PCMT1: variants seen among roughly 807,000 people sequenced by gnomAD.
PCMT1 encodes the protein protein-L-isoaspartate (D-aspartate) O-methyltransferase.
Under a neutral mutation model 29.2 loss-of-function variants are expected in PCMT1, and 9 were observed. That is an observed-to-expected ratio of 0.31 (90% confidence interval 0.19 to 0.54). PCMT1 has a LOEUF of 0.54. Ranked by LOEUF, PCMT1 falls within the 20% of genes least tolerant of loss-of-function variation. The pLI is 0.95. For missense variants in PCMT1, 184 were observed against 282.2 expected, an observed-to-expected ratio of 0.65 and a Z score of 2.49; for synonymous variants, 98 against 97.5, an observed-to-expected ratio of 1.00 and a Z score of -0.03.
In PCMT1 at chr6:149,802,384, A is replaced by G. The variant is rs752074342; in HGVS notation, c.*5A>G. ...CAGTGGTCCAGGTGGAAGTGATTTT[A>G]TCTTCTGCTCTTTCTTCTTCCACAC... is the stretch of plus-strand genomic sequence containing the variant. On this transcript the variant is annotated 3_prime_UTR_variant, in exon 7 of 8. Coordinates refer to ENST00000464889, the MANE Select transcript of PCMT1 (RefSeq NM_001360452.2). 1 of 1,601,200 alleles carries G rather than the reference A, an allele frequency of 6.2e-7. No individual in the cohort carries two copies. Among genetic ancestry groups the G allele is most frequent in the South Asian group, 1.1e-5 (1 of 89,572 alleles).
chr6:149,751,347 C>T (rs1429038936), intron 1 of PCMT1, among the ~76,000 whole-genome samples: 1 of 151,894 alleles, frequency 6.6e-6, no homozygotes, highest in South Asian at 2.1e-4. Context: ...TGAATTTTCT[C>T]TAAGAATTTA....
At chr6:149,757,972 T>C (rs1444084720) in intron 1 of PCMT1, among the ~76,000 whole-genome samples, 1 of 152,104 alleles carries the variant, frequency 6.6e-6, no homozygotes, top group Admixed American at 6.6e-5. Flanking sequence ...AACCTCTGCC[T>C]CTCCGGTTTA....
chr6:149,776,663 T>C (rs1307076123), intron 3 of PCMT1, among the ~76,000 whole-genome samples: 3 of 152,102 alleles, frequency 2.0e-5, no homozygotes, highest in Non-Finnish European at 4.4e-5. Flanking sequence ...TCCTCTTGCT[T>C]TGGCCTTCTA....
chr6:149,803,052 CAAAAA>C (rs60853264), intron 7 of PCMT1, among the ~76,000 whole-genome samples: 45 of 70,568 alleles, frequency 6.4e-4, no homozygotes, highest in African/African-American at 1.7e-3. Flanking sequence ...GGCTCTGTCT[CAAAAA>C]AAAAAAAAAA....
intron 3 of PCMT1, among the ~76,000 whole-genome samples, chr6:149,774,863 T>C (rs932467743): frequency 6.6e-5 from 10 of 151,908 alleles, no homozygotes; most frequent in African/African-American, 2.4e-4. Flanking sequence ...CCCGCCACCA[T>C]GCCCTGCTAG....
chr6:149,791,689 A>G (rs1335823825), intron 4 of PCMT1, among the ~76,000 whole-genome samples: 2 of 152,086 alleles, frequency 1.3e-5, no homozygotes, highest in African/African-American at 4.8e-5. Context: ...AAGGACTCAT[A>G]TTTTCTCAGA....
intron 7 of PCMT1, among the ~76,000 whole-genome samples, chr6:149,804,391 T>TA (rs916304800): frequency 3.9e-5 from 6 of 152,200 alleles, no homozygotes; most frequent in African/African-American, 1.4e-4. Flanking sequence ...GAAGGAATTA[T>TA]AAAAAGGGAA....
In PCMT1 at chr6:149,797,310, G is replaced by A. The variant is rs1252378689; in HGVS notation, c.504+810G>A. ...ATCTATTGGAAGGAAAATAAAATAT[G>A]CATATGAGGGAGAGAATTGTGCAGT... On this transcript the variant is annotated intron_variant, in intron 6 of 7. Transcript: ENST00000464889. 5 of 152,228 alleles carry A rather than the reference G, an allele frequency of 3.3e-5. No homozygotes were observed. The East Asian group carries it at 9.7e-4, about 29-fold the overall frequency. The allele number at this position is 152,228 out of a possible 1,614,324, so 9.4% of individuals were successfully genotyped here.
chr6:149,773,620 C>A (rs1787431684), intron 3 of PCMT1, among the ~76,000 whole-genome samples: 1 of 152,180 alleles, frequency 6.6e-6, no homozygotes, highest in African/African-American at 2.4e-5. Flanking sequence ...CCCTCGTGAT[C>A]CGCCTGCCTC....
rs915047134 is a variant in PCMT1, at chr6:149,802,384, ATCTTCTGCTCTT to A, written c.*12_*23del. 8 of 1,601,082 alleles carry A rather than the reference ATCTTCTGCTCTT, an allele frequency of 5.0e-6. No homozygotes were observed. In the African/African-American group the frequency reaches 8.0e-5, roughly 16 times the overall value. ...CAGTGGTCCAGGTGGAAGTGATTTT[ATCTTCTGCTCTT>A]TCTTCTTCCACACATGCAAGGTGAA... On this transcript the variant is annotated 3_prime_UTR_variant, in exon 7 of 8. Transcript: ENST00000464889.
chr6:149,800,689 C>T (rs1272795718), intron 6 of PCMT1, among the ~76,000 whole-genome samples: 1 of 152,130 alleles, frequency 6.6e-6, no homozygotes, highest in Non-Finnish European at 1.5e-5. Context: ...CCCTACCTTC[C>T]CTCCTTATGG....
At chr6:149,761,923 T>C (rs1361799718) in intron 1 of PCMT1, among the ~76,000 whole-genome samples, 2 of 152,224 alleles carry the variant, frequency 1.3e-5, no homozygotes, top group African/African-American at 4.8e-5. Context: ...TGCTGAACGA[T>C]GTAGTGTATT....
rs9766442 is a variant in PCMT1 at position 149,782,617 on chromosome 6, C to T, written c.193-7337C>T. Among the ~76,000 whole-genome samples, 715 of 152,130 alleles carry T rather than the reference C, an allele frequency of 4.7e-3. 5 individuals are homozygous for T. The highest frequency in any genetic ancestry group is 0.016 in the African/African-American group (677 of 41,472). On this transcript the variant is annotated intron_variant, in intron 3 of 7. Coordinates refer to ENST00000464889, the MANE Select transcript of PCMT1 (RefSeq NM_001360452.2). ...TACTCAAAGGCTGAGGAGGTAATGT[C>T]AGAAGGACATACGAGCAGATTTGAA...
intron 4 of PCMT1, among the ~76,000 whole-genome samples, chr6:149,792,639 C>A (rs937434280): frequency 7.2e-5 from 11 of 151,860 alleles, no homozygotes; most frequent in Non-Finnish European, 1.3e-4. Context: ...CATCAGCCTC[C>A]TAAGTAGCTG....
At chr6:149,774,901 G>T (rs1163480617) in intron 3 of PCMT1, among the ~76,000 whole-genome samples, 1 of 151,710 alleles carries the variant, frequency 6.6e-6, no homozygotes, top group Non-Finnish European at 1.5e-5. Flanking sequence ...TAGAGACGGG[G>T]TTTCACCATG....
In PCMT1 at chr6:149,749,778, C is replaced by T; in HGVS notation, c.-124C>T. Reference sequence around the variant, plus strand: ...GCGGCGGCGACGGCAGTAACAGCGGCAGCTACAGCGGGGACGCGAGCGGGG... The same window carrying T: ...GCGGCGGCGACGGCAGTAACAGCGGTAGCTACAGCGGGGACGCGAGCGGGG... On this transcript the variant is annotated 5_prime_UTR_variant, in exon 1 of 8. Transcript: ENST00000464889. 3 of 1,549,582 alleles carry T rather than the reference C, an allele frequency of 1.9e-6. No individual in the cohort carries two copies. The highest frequency in any genetic ancestry group is 1.2e-5 in the South Asian group (1 of 84,026).
chr6:149,778,547 GT>G (rs1291436269), intron 3 of PCMT1, among the ~76,000 whole-genome samples: 2 of 150,216 alleles, frequency 1.3e-5, no homozygotes, highest in Non-Finnish European at 3.0e-5. Context: ...TTTAGTTTTT[GT>G]TTTTTTTAAG....
At chr6:149,755,612 C>G (rs2115195043) in intron 1 of PCMT1, among the ~76,000 whole-genome samples, 1 of 152,226 alleles carries the variant, frequency 6.6e-6, no homozygotes, top group African/African-American at 2.4e-5. Context: ...GTCCATTCCC[C>G]TAATGATCAA....
intron 3 of PCMT1, among the ~76,000 whole-genome samples, chr6:149,788,964 A>G (rs952160687): frequency 6.6e-6 from 1 of 151,414 alleles, no homozygotes; most frequent in Non-Finnish European, 1.5e-5. Flanking sequence ...TTTCATTTAT[A>G]TATGTATAGA....
Sources: allele counts gnomAD v4.1 joint callset (sites outside exome capture counted in the v4.1 genomes callset), GRCh38; gene constraint gnomAD v4.1.1; transcripts MANE v1.5; gene names NCBI Gene and HGNC (gene_info 2026-07-23, HGNC 2026-07-21).